TNFSF4: variants seen among roughly 807,000 people sequenced by gnomAD.
TNFSF4 encodes TNF superfamily member 4, also known as tumor necrosis factor ligand superfamily member 4.
Under a neutral mutation model 7.3 loss-of-function variants are expected in TNFSF4, and 4 were observed. The ratio of observed to expected loss-of-function variants is 0.55; its 90% CI spans 0.27 to 1.25. The LOEUF (loss-of-function observed/expected upper bound fraction) is 1.25, where lower values mean the gene tolerates loss of function less well. Ranked by LOEUF, TNFSF4 falls within the 50% of genes most tolerant of loss-of-function variation. The pLI, the probability that TNFSF4 is intolerant of heterozygous loss-of-function variation, is 0.12. For missense variants in TNFSF4, 181 were observed against 208.8 expected (o/e 0.87, Z 0.82); for synonymous variants, 76 against 83.7 (o/e 0.91, Z 0.50).
chr1:173,394,453 T>C, the TNFSF4 span, among the ~76,000 whole-genome samples: 1 of 152,190 alleles, frequency 6.6e-6, no homozygotes, highest in African/African-American at 2.4e-5. Context: ...TCAACTTGAC[T>C]AGATACAGGG....
At chr1:173,276,694 A>C in the TNFSF4 span, among the ~76,000 whole-genome samples, 1 of 152,182 alleles carries the variant, frequency 6.6e-6, no homozygotes, top group Non-Finnish European at 1.5e-5. Context: ...AATTTGACTA[A>C]GTACTATTGA....
chr1:173,338,438 A>G, the TNFSF4 span, among the ~76,000 whole-genome samples: 1 of 152,120 alleles, frequency 6.6e-6, no homozygotes, highest in Admixed American at 6.5e-5. Context: ...CATGAAATTC[A>G]CTGATCTTAC....
the TNFSF4 span, among the ~76,000 whole-genome samples, chr1:173,228,208 T>C: frequency 6.6e-6 from 1 of 152,188 alleles, no homozygotes; most frequent in African/African-American, 2.4e-5. Context: ...CTCACACAGC[T>C]GGGTACCCCT....
chr1:173,315,533 C>T, the TNFSF4 span, among the ~76,000 whole-genome samples: 1 of 152,100 alleles, frequency 6.6e-6, no homozygotes. Flanking sequence ...TGAAATCATA[C>T]TGCAACCATA....
chr1:173,352,107 C>T, the TNFSF4 span: 1 of 270,920 alleles, frequency 3.7e-6, no homozygotes, highest in Non-Finnish European at 6.8e-6. Flanking sequence ...TGGTGACCGT[C>T]ATTGCTACAG....
chr1:173,394,987 C>CAGATAGATAG, the TNFSF4 span, among the ~76,000 whole-genome samples: 27 of 126,968 alleles, frequency 2.1e-4, no homozygotes, highest in African/African-American at 8.5e-4. Flanking sequence ...ATAGAGGACA[C>CAGATAGATAG]ATAGATAGAT....
the TNFSF4 span, among the ~76,000 whole-genome samples, chr1:173,425,288 G>C: frequency 6.6e-6 from 1 of 152,196 alleles, no homozygotes; most frequent in Non-Finnish European, 1.5e-5. Context: ...CATAAGAATA[G>C]CTGTTTCTGT....
the TNFSF4 span, among the ~76,000 whole-genome samples, chr1:173,262,132 A>G: frequency 1.3e-5 from 2 of 152,348 alleles, no homozygotes; most frequent in East Asian, 1.9e-4. Context: ...CTTATCGACC[A>G]CAATCAAGCC....
the TNFSF4 span, among the ~76,000 whole-genome samples, chr1:173,231,218 C>T: frequency 6.6e-6 from 1 of 152,318 alleles, no homozygotes; most frequent in East Asian, 1.9e-4. Flanking sequence ...CAAACCGAAT[C>T]CAGCAGCATA....
chr1:173,219,354 A>C, the TNFSF4 span, among the ~76,000 whole-genome samples: 1 of 152,166 alleles, frequency 6.6e-6, no homozygotes, highest in Non-Finnish European at 1.5e-5. Context: ...ATTTCACAAC[A>C]CCTGGTTTTC....
chr1:173,273,680 A>G, the TNFSF4 span, among the ~76,000 whole-genome samples: 1 of 152,230 alleles, frequency 6.6e-6, no homozygotes, highest in East Asian at 1.9e-4. Flanking sequence ...CATAATAGCC[A>G]TGGAAGAAAA....
chr1:173,441,335 G>C, the TNFSF4 span, among the ~76,000 whole-genome samples: 1 of 151,244 alleles, frequency 6.6e-6, no homozygotes, highest in Non-Finnish European at 1.5e-5. Flanking sequence ...CTTCCTTATA[G>C]CTCCCCTCCC....
the TNFSF4 span, among the ~76,000 whole-genome samples, chr1:173,394,766 C>G: frequency 6.6e-6 from 1 of 152,104 alleles, no homozygotes; most frequent in Non-Finnish European, 1.5e-5. Flanking sequence ...ACTGGCTTCC[C>G]TGGCCTCTGA....
At chr1:173,285,920 T>C in the TNFSF4 span, among the ~76,000 whole-genome samples, 1 of 152,170 alleles carries the variant, frequency 6.6e-6, no homozygotes, top group East Asian at 1.9e-4. Context: ...CAACAGAGAC[T>C]GCATGACCTG....
chr1:173,283,382 A>T, the TNFSF4 span, among the ~76,000 whole-genome samples: 1 of 152,184 alleles, frequency 6.6e-6, no homozygotes, highest in Admixed American at 6.5e-5. Flanking sequence ...TGTTTTGATC[A>T]GTATTGCAGA....
chr1:173,223,455 C>A, the TNFSF4 span, among the ~76,000 whole-genome samples: 3 of 151,356 alleles, frequency 2.0e-5, no homozygotes, highest in Non-Finnish European at 2.9e-5. Context: ...CCCGCCCCCC[C>A]AAAAAAAATA....
chr1:173,230,176 G>C, the TNFSF4 span, among the ~76,000 whole-genome samples: 1 of 152,082 alleles, frequency 6.6e-6, no homozygotes, highest in African/African-American at 2.4e-5. Flanking sequence ...TGACCACGTA[G>C]TTGGAAGTAA....
the TNFSF4 span, among the ~76,000 whole-genome samples, chr1:173,446,732 C>G: frequency 2.0e-5 from 3 of 152,176 alleles, no homozygotes; most frequent in African/African-American, 7.2e-5. Flanking sequence ...ATGCTTCATG[C>G]CCTCAAACAA....
chr1:173,402,224 T>C, the TNFSF4 span, among the ~76,000 whole-genome samples: 1 of 152,196 alleles, frequency 6.6e-6, no homozygotes, highest in Non-Finnish European at 1.5e-5. Flanking sequence ...ACATCTGCAA[T>C]CCTGAGAGGC....
Sources: gnomAD v4.1 joint callset for allele counts (sites outside exome capture counted in the v4.1 genomes callset) on GRCh38, gnomAD v4.1.1 for gene constraint, MANE v1.5 for transcripts, NCBI Gene and HGNC (gene_info 2026-07-23, HGNC 2026-07-21) for gene names.